The following WWOX variants were observed in gnomAD, a reference collection of about 807,000 sequenced individuals.
WWOX encodes the protein WW domain containing oxidoreductase, also known as WW domain-containing oxidoreductase.
WWOX carries 69 observed loss-of-function variants against 46.2 expected under a neutral mutation model. That is an observed-to-expected ratio of 1.49 (90% CI 1.23 to 1.82). WWOX has a LOEUF of 1.82. Among genes scored for constraint, WWOX ranks in the 40% most tolerant of loss-of-function variants. The pLI, the probability that WWOX is intolerant of heterozygous loss-of-function variation, is 0.00. For missense variants in WWOX, 919 were observed against 542.6 expected, an observed-to-expected ratio of 1.69 and a Z score of -6.89; for synonymous variants, 359 against 202.6, an observed-to-expected ratio of 1.77 and a Z score of -6.56.
intron 5 of WWOX, among the ~76,000 whole-genome samples, chr16:78,193,843 A>C (rs1458870858): frequency 6.7e-6 from 1 of 149,634 alleles, no homozygotes; most frequent in Non-Finnish European, 1.5e-5. Flanking sequence ...TATTATTTTC[A>C]ATTTTTTATT....
chr16:78,753,795 C>T (rs1447996075), intron 8 of WWOX, among the ~76,000 whole-genome samples: 4 of 76,878 alleles, frequency 5.2e-5, no homozygotes, highest in African/African-American at 2.5e-4. Flanking sequence ...GGGCAAGACC[C>T]TATATCAAAA....
chr16:79,036,587 T>C (rs1055759758), intron 8 of WWOX, among the ~76,000 whole-genome samples: 1 of 152,196 alleles, frequency 6.6e-6, no homozygotes, highest in Non-Finnish European at 1.5e-5. Context: ...GGAGAAGAGA[T>C]GAATGATCTG....
intron 8 of WWOX, among the ~76,000 whole-genome samples, chr16:78,543,011 A>G (rs1489520471): frequency 2.0e-5 from 3 of 152,198 alleles, no homozygotes; most frequent in Admixed American, 2.0e-4. Flanking sequence ...GTGACTGTGT[A>G]TATGTCCAGA....
At chr16:79,115,749 G>T (rs2049503756) in intron 8 of WWOX, among the ~76,000 whole-genome samples, 1 of 152,164 alleles carries the variant, frequency 6.6e-6, no homozygotes, top group African/African-American at 2.4e-5. Context: ...CCTGCGTGTA[G>T]AAGTTTCAAG....
In WWOX at chr16:78,721,445, G is replaced by T. The variant is rs536968444; in HGVS notation, c.1056+288693G>T. 2.0e-5 allele frequency among the ~76,000 whole-genome samples: 3 copies of T among 152,288 alleles called. 1 individual carries two copies. The South Asian group carries it at 6.2e-4, about 32-fold the overall frequency. On this transcript the variant is annotated intron_variant, in intron 8 of 8. Coordinates refer to ENST00000566780, the MANE Select transcript of WWOX (RefSeq NM_016373.4). ...ATTGTCGGCTGGAGAGTATTCAGCT[G>T]TCAGACAAAGTGTTCTCTAAAGTGT...
chr16:78,629,729 A>G (rs1469916663), intron 8 of WWOX, among the ~76,000 whole-genome samples: 1 of 152,146 alleles, frequency 6.6e-6, no homozygotes, highest in East Asian at 1.9e-4. Context: ...CTTTCTCATC[A>G]TTTAGGCTTC....
chr16:78,705,917 TTTATTTA>T (rs1467946834), intron 8 of WWOX, among the ~76,000 whole-genome samples: 6 of 152,172 alleles, frequency 3.9e-5, no homozygotes, highest in African/African-American at 1.4e-4. Flanking sequence ...TAAGCATCTG[TTTATTTA>T]CACACTAAGG....
chr16:78,501,108 C>G (rs1175112119), intron 8 of WWOX, among the ~76,000 whole-genome samples: 1 of 151,670 alleles, frequency 6.6e-6, no homozygotes, highest in African/African-American at 2.4e-5. Context: ...GATTCCAGGT[C>G]TCAGTTAATG....
intron 8 of WWOX, among the ~76,000 whole-genome samples, chr16:79,138,901 C>T (rs1338489793): frequency 6.6e-6 from 1 of 152,188 alleles, no homozygotes; most frequent in Non-Finnish European, 1.5e-5. Context: ...GCACAGCAGG[C>T]TGGATGCCAA....
chr16:78,449,460 T>C (rs1018519157), intron 8 of WWOX, among the ~76,000 whole-genome samples: 30 of 152,188 alleles, frequency 2.0e-4, no homozygotes, highest in Non-Finnish European at 4.3e-4. Flanking sequence ...AATTTTGTTT[T>C]AGATTTCAGT....
At chr16:79,161,808 C>A (rs1163070931) in intron 8 of WWOX, among the ~76,000 whole-genome samples, 1 of 152,248 alleles carries the variant, frequency 6.6e-6, no homozygotes, top group African/African-American at 2.4e-5. Flanking sequence ...CATGAGCCAC[C>A]TCACGTGGTT....
intron 8 of WWOX, among the ~76,000 whole-genome samples, chr16:78,644,978 G>C (rs2046805984): frequency 6.6e-6 from 1 of 152,100 alleles, no homozygotes. Flanking sequence ...GTGAGTTTTG[G>C]TTCTACTCTT....
intron 8 of WWOX, among the ~76,000 whole-genome samples, chr16:78,649,139 A>G (rs1165281790): frequency 6.6e-6 from 1 of 151,740 alleles, no homozygotes; most frequent in Non-Finnish European, 1.5e-5. Context: ...AAGCCCAGCT[A>G]ATTTTTTTGG....
At chr16:78,939,731 C>T (rs966428288) in intron 8 of WWOX, among the ~76,000 whole-genome samples, 14 of 152,094 alleles carry the variant, frequency 9.2e-5, no homozygotes, top group African/African-American at 2.9e-4. Flanking sequence ...GGGAAAAATC[C>T]CCATTTCTGG....
At chr16:78,943,287 G>A (rs2045887205) in intron 8 of WWOX, among the ~76,000 whole-genome samples, 1 of 148,992 alleles carries the variant, frequency 6.7e-6, no homozygotes, top group Non-Finnish European at 1.5e-5. Context: ...TCCTGGATAA[G>A]GAGAATGAGG....
chr16:79,051,118 ACTC>A (rs1166338381), intron 8 of WWOX, among the ~76,000 whole-genome samples: 1 of 151,952 alleles, frequency 6.6e-6, no homozygotes, highest in Non-Finnish European at 1.5e-5. Flanking sequence ...CTGCAGCCCT[ACTC>A]CTCGGGTTGT....
At chr16:78,956,398 G>A (rs1434428824) in intron 8 of WWOX, among the ~76,000 whole-genome samples, 3 of 151,848 alleles carry the variant, frequency 2.0e-5, no homozygotes, top group East Asian at 1.9e-4. Context: ...CAAGTGATCC[G>A]CCCATCTCGG....
chr16:78,534,236 A>G (rs1157469138), intron 8 of WWOX: 1 of 152,222 alleles, frequency 6.6e-6, no homozygotes, highest in African/African-American at 2.4e-5. Context: ...AACACAGGAA[A>G]ACAATATCTT....
intron 8 of WWOX, chr16:79,017,020 G>C (rs992729268): frequency 6.6e-6 from 1 of 152,140 alleles, no homozygotes; most frequent in South Asian, 2.1e-4. Flanking sequence ...CACCTTCAAA[G>C]CTTAATTAGG....
Sources: gnomAD v4.1 joint callset for allele counts (sites outside exome capture counted in the v4.1 genomes callset) on GRCh38, gnomAD v4.1.1 for gene constraint, MANE v1.5 for transcripts, NCBI Gene and HGNC (gene_info 2026-07-23, HGNC 2026-07-21) for gene names.